LRP1B: variants seen among roughly 807,000 people sequenced by gnomAD.
LRP1B encodes the protein LDL receptor related protein 1B, also known as low-density lipoprotein receptor-related protein 1B.
LRP1B carries 217 observed loss-of-function variants against 556.6 expected under a neutral mutation model. That is an observed-to-expected ratio of 0.39 (90% CI 0.35 to 0.44). The LOEUF (loss-of-function observed/expected upper bound fraction) is 0.44, where lower values mean the gene tolerates loss of function less well. Among genes scored for constraint, LRP1B ranks in the 20% least tolerant of loss-of-function variants. LRP1B has a pLI of 1.00. For synonymous variants in LRP1B, 2,047 were observed against 1,865.8 expected (o/e 1.10, Z -2.50); for missense variants, 5,053 against 5,620.8 (o/e 0.90, Z 3.23).
intron 2 of LRP1B, among the ~76,000 whole-genome samples, chr2:141,793,138 T>C (rs115776046): frequency 3.8e-4 from 58 of 152,116 alleles, no homozygotes; most frequent in Non-Finnish European, 4.6e-4. Flanking sequence ...TCTCTATTCA[T>C]AGTCAAGTAT....
At chr2:140,382,431 T>C (rs567488535) in intron 67 of LRP1B, among the ~76,000 whole-genome samples, 106 of 152,160 alleles carry the variant, frequency 7.0e-4, no homozygotes, top group Non-Finnish European at 1.3e-3. Context: ...ATAAAGATAT[T>C]ATAGATATGT....
chr2:141,717,520 C>T (rs1421620783), intron 2 of LRP1B, among the ~76,000 whole-genome samples: 2 of 152,168 alleles, frequency 1.3e-5, no homozygotes, highest in Non-Finnish European at 2.9e-5. Flanking sequence ...CTCAATGCAT[C>T]TTTAATGGAA....
intron 1 of LRP1B, among the ~76,000 whole-genome samples, chr2:141,931,534 TTAAA>T (rs1700505138): frequency 1.3e-5 from 2 of 151,934 alleles, no homozygotes; most frequent in South Asian, 4.1e-4. Context: ...TTAAGGACAA[TTAAA>T]TAAAAATTTT....
chr2:140,458,132 T>A (rs1435731420), intron 60 of LRP1B, among the ~76,000 whole-genome samples: 1 of 152,106 alleles, frequency 6.6e-6, no homozygotes, highest in Non-Finnish European at 1.5e-5. Flanking sequence ...GGAAGAAATG[T>A]GTCTACTACC....
At chr2:140,327,993 T>C (rs1034537077) in intron 79 of LRP1B, among the ~76,000 whole-genome samples, 2 of 152,042 alleles carry the variant, frequency 1.3e-5, no homozygotes, top group African/African-American at 4.8e-5. Context: ...TCTTCTAAAT[T>C]AAAAAGTTAA....
At chr2:141,570,108 A>C (rs1423913807) in intron 2 of LRP1B, among the ~76,000 whole-genome samples, 1 of 149,480 alleles carries the variant, frequency 6.7e-6, no homozygotes, top group East Asian at 2.0e-4. Flanking sequence ...GACTGACTAG[A>C]AGCAGAGGCA....
At chr2:141,034,489 C>T (rs1253828342) in intron 11 of LRP1B, among the ~76,000 whole-genome samples, 2 of 151,906 alleles carry the variant, frequency 1.3e-5, no homozygotes, top group African/African-American at 4.8e-5. Flanking sequence ...CCAGAATCTA[C>T]AATCAACTCA....
At chr2:141,777,144 T>C (rs1397100099) in intron 2 of LRP1B, among the ~76,000 whole-genome samples, 2 of 152,194 alleles carry the variant, frequency 1.3e-5, no homozygotes, top group Admixed American at 6.5e-5. Flanking sequence ...AAGACATGAT[T>C]GCCATTTATT....
chr2:140,883,849 G>T lies in LRP1B; in HGVS notation c.4137C>A (p.His1379Gln). The T allele has an allele frequency of 6.2e-7, 1 of 1,613,888 alleles. No individual in the cohort carries two copies. Among genetic ancestry groups the T allele is most frequent in the Non-Finnish European group, 8.5e-7 (1 of 1,179,900 alleles). Residue 1379 changes from histidine (H) to glutamine (Q), a missense_variant, in exon 25 of 91, where the codon CAC (histidine) becomes CAA (glutamine). By Grantham distance (24) the His-to-Gln change is conservative. Transcript: ENST00000389484. ...TTGGGTCCAAAGCAATGGCCCTGGG[G>T]TGTTCCATGGCTCCTGCTATTAGTG... ...RTTLIAGAMEHPRAIALDPRY... is the reference protein window; with the variant it reads ...RTTLIAGAMEQPRAIALDPRY...
chr2:141,893,937 TTCTTTCTCTC>T (rs944669170), intron 1 of LRP1B, among the ~76,000 whole-genome samples: 17 of 152,172 alleles, frequency 1.1e-4, no homozygotes, highest in African/African-American at 4.1e-4. Context: ...TTCTTTTCTT[TTCTTTCTCTC>T]TCTTTCTCTC....
chr2:141,009,871 C>G (rs771970445), intron 14 of LRP1B, among the ~76,000 whole-genome samples: 6 of 152,046 alleles, frequency 3.9e-5, no homozygotes, highest in East Asian at 1.9e-4. Context: ...ATTGGCCACA[C>G]AAATTAAACA....
chr2:141,805,367 C>T (rs1696138077), intron 2 of LRP1B: 1 of 152,016 alleles, frequency 6.6e-6, no homozygotes, highest in Non-Finnish European at 1.5e-5. Flanking sequence ...AAAGAAAACC[C>T]CTATTCAGTT....
intron 25 of LRP1B, among the ~76,000 whole-genome samples, chr2:140,883,427 G>T (rs559444844): frequency 6.6e-6 from 1 of 152,176 alleles, no homozygotes; most frequent in African/African-American, 2.4e-5. Context: ...TTAGAACAAA[G>T]ACTGGCCCTG....
At chr2:141,841,984 G>C (rs1365805982) in intron 1 of LRP1B, among the ~76,000 whole-genome samples, 1 of 151,914 alleles carries the variant, frequency 6.6e-6, no homozygotes, top group East Asian at 1.9e-4. Flanking sequence ...TAAAGAGTGA[G>C]AAAAAAAGTC....
chr2:141,270,564 C>G (rs1308435013), intron 3 of LRP1B, among the ~76,000 whole-genome samples: 1 of 151,888 alleles, frequency 6.6e-6, no homozygotes. Flanking sequence ...AATGAATTAA[C>G]ATAATATAGC....
chr2:140,883,852 T>A lies in LRP1B; in HGVS notation c.4134A>T (p.Glu1378Asp), dbSNP rs557760947. The stretch of plus-strand genomic sequence containing the variant: ...GGTCCAAAGCAATGGCCCTGGGGTG[T>A]TCCATGGCTCCTGCTATTAGTGTAG... ...LRTTLIAGAM[E>D]HPRAIALDPR... The change falls in exon 25 of 91, where the codon GAA becomes GAT. Residue 1378 changes from glutamate to aspartate, a missense_variant. By Grantham distance (45) the Glu-to-Asp change is conservative. Around this residue, in one of 5 missense-constraint regions of LRP1B, gnomAD observed 3,619 missense variants for 3,931.9 expected, o/e 0.92. Transcript: ENST00000389484. 6.2e-7 allele frequency: 1 copy of A among 1,613,984 alleles called. No homozygotes were observed. The highest frequency in any genetic ancestry group is 8.5e-7 in the Non-Finnish European group (1 of 1,179,924).
chr2:140,940,093 C>T (rs1033496856), intron 20 of LRP1B, among the ~76,000 whole-genome samples: 2 of 151,876 alleles, frequency 1.3e-5, no homozygotes, highest in African/African-American at 4.8e-5. Context: ...CCATGTTGGC[C>T]ATGCTGGTCT....
intron 66 of LRP1B, among the ~76,000 whole-genome samples, chr2:140,432,639 T>TC (rs1686001836): frequency 6.6e-6 from 1 of 152,168 alleles, no homozygotes; most frequent in Admixed American, 6.5e-5. Context: ...TAGGACTGAG[T>TC]GTATGCTAAT....
rs767745668 is a variant in LRP1B at position 140,956,895 on chromosome 2, A to G, written c.2888-4955T>C. ...AAATGGAAGAAAATATCACTGAAAT[A>G]TTTTATTGGTTCAAGATATTTAACT... On this transcript the variant is annotated intron_variant, in intron 18 of 90. Transcript: ENST00000389484. 8.1e-4 allele frequency among the ~76,000 whole-genome samples: 123 copies of G among 151,722 alleles called. 1 individual carries two copies. The highest frequency in any genetic ancestry group is 1.3e-3 in the Non-Finnish European group (85 of 67,686).
Sources: allele counts gnomAD v4.1 joint callset (sites outside exome capture counted in the v4.1 genomes callset), GRCh38; gene constraint gnomAD v4.1.1; regional missense constraint gnomAD v4.1.1; transcripts MANE v1.5; gene names NCBI Gene and HGNC (gene_info 2026-07-23, HGNC 2026-07-21).